The following KDM5B variants were observed in gnomAD, a reference collection of about 807,000 sequenced individuals.
The protein encoded by KDM5B is lysine demethylase 5B, also known as lysine-specific demethylase 5B.
In KDM5B, 144 loss-of-function variants were observed where a neutral mutation model predicts 193.4. The observed-to-expected ratio is 0.74, with a 90% CI of 0.65 to 0.86. The LOEUF (loss-of-function observed/expected upper bound fraction) is 0.86. Among genes scored for constraint, KDM5B ranks in the 40% least tolerant of loss-of-function variants. The pLI, the probability that KDM5B is intolerant of heterozygous loss-of-function variation, is 0.00. For missense variants in KDM5B, 1,833 were observed against 1,886.9 expected, an observed-to-expected ratio of 0.97 and a Z score of 0.53; for synonymous variants, 668 against 682.6, an observed-to-expected ratio of 0.98 and a Z score of 0.33.
intron 3 of KDM5B, 132 bp from the exon 4 acceptor site, chr1:202,773,420 T>TAC (rs555311396): frequency 9.1e-5 from 59 of 648,530 alleles, no homozygotes; most frequent in East Asian, 7.4e-4. Context: ...CATATATATA[T>TAC]ACACACACAC....
In KDM5B at chr1:202,752,966, T is replaced by G; in HGVS notation, c.1640A>C (p.Asp547Ala). 1 of 1,614,094 alleles carries G rather than the reference T, an allele frequency of 6.2e-7. No homozygotes were observed. Reference sequence around the variant, plus strand: ...GATGGTCACAAGCTGATGGAGGAGATCCGGCTGGGACACAAAGAGTTCTGG... The same window carrying G: ...GATGGTCACAAGCTGATGGAGGAGAGCCGGCTGGGACACAAAGAGTTCTGG... ...LAPELFVSQP[D>A]LLHQLVTIMN... is the part of the protein sequence containing the mutation. The change falls in exon 12 of 27, where the codon GAT becomes GCT. Residue 547 changes from aspartate (D) to alanine (A), a missense_variant. This residue lies in a region of KDM5B where 1,379 missense variants were observed against 1,349.6 expected (regional missense o/e 1.02). Coordinates refer to ENST00000367265, the MANE Select transcript of KDM5B (RefSeq NM_006618.5).
chr1:202,778,496 G>A (rs1384173593), intron 1 of KDM5B, among the ~76,000 whole-genome samples: 1 of 152,102 alleles, frequency 6.6e-6, no homozygotes, highest in Non-Finnish European at 1.5e-5. Flanking sequence ...CCACTGAACT[G>A]TATCCTTAAA....
At position 202,728,305 on chromosome 1, in the gene KDM5B, G is replaced by T; in HGVS notation, c.*731C>A. Reference sequence around the variant, plus strand: ...GGGACAGGGAGAAAGCCAAAATACAGCTGTGGCAATTACTTACAGAGAAGT... The same window carrying T: ...GGGACAGGGAGAAAGCCAAAATACATCTGTGGCAATTACTTACAGAGAAGT... On this transcript the variant is annotated 3_prime_UTR_variant, in exon 27 of 27. Transcript: ENST00000367265. 6.5e-6 allele frequency: 1 copy of T among 152,784 alleles called. No homozygotes were observed. The allele number at this position is 152,784 out of a possible 1,614,324, so 9.5% of individuals were successfully genotyped here.
chr1:202,755,174 T>C, intron 11 of KDM5B, 97 bp downstream of exon 11: 1 of 875,954 alleles, frequency 1.1e-6, no homozygotes, highest in Non-Finnish European at 1.8e-6. Context: ...AGTAGTTCAA[T>C]GCTCTTCAGA....
intron 3 of KDM5B, among the ~76,000 whole-genome samples, chr1:202,773,737 C>CT (rs35598184): frequency 2.8e-5 from 4 of 140,726 alleles, no homozygotes; most frequent in Non-Finnish European, 4.7e-5. Flanking sequence ...GGCTCAGCTT[C>CT]TTTTTTTTTT....
At chr1:202,760,764 T>G (rs1000299280) in intron 7 of KDM5B, among the ~76,000 whole-genome samples, 191 bp from the exon 8 acceptor site, 2 of 152,260 alleles carry the variant, frequency 1.3e-5, no homozygotes, top group Non-Finnish European at 2.9e-5. Context: ...CAATACCTCA[T>G]GCATACCAAA....
Position 202,755,341 on chromosome 1 carries a change from C to T in KDM5B, c.1468G>A (p.Gly490Arg). 1 of 1,614,022 alleles carries T rather than the reference C, an allele frequency of 6.2e-7. No individual in the cohort carries two copies. The highest frequency in any genetic ancestry group is 8.5e-7 in the Non-Finnish European group (1 of 1,179,924). Residue 490 changes from glycine (G) to arginine (R), a missense_variant, in exon 11 of 27, where the codon GGA (glycine) becomes AGA (arginine). By Grantham distance (125) the Gly-to-Arg change is moderately radical. Coordinates refer to ENST00000367265, the MANE Select transcript of KDM5B (RefSeq NM_006618.5). ...CAACAGAATGAAGAAAAGCACATTCCCACATACAACCAAGGAAGTTTCATG... is the reference window on the plus strand; with the variant it reads ...CAACAGAATGAAGAAAAGCACATTCTCACATACAACCAAGGAAGTTTCATG... Reference protein sequence around the residue: ...CGMKLPWLYVGMCFSSFCWHI... With the variant: ...CGMKLPWLYVRMCFSSFCWHI...
Position 202,742,727 on chromosome 1 carries a change from C to T in KDM5B, c.2402G>A (p.Arg801His), listed in dbSNP as rs576327604. 6 of 1,614,076 alleles carry T rather than the reference C, an allele frequency of 3.7e-6. No homozygotes were observed. Among genetic ancestry groups the T allele is most frequent in the East Asian group, 2.2e-5 (1 of 44,880 alleles). ...CTTCTCTGCATCCTGTGTGACTAGG[C>T]GAAGGTGTCGCAAAAGATCATTGTC... is the stretch of plus-strand genomic sequence containing the variant. ...FPDNDLLRHL[R>H]LVTQDAEKCA... Residue 801 changes from arginine to histidine, a missense_variant, in exon 17 of 27, where the codon CGC becomes CAC. This residue lies in a region of KDM5B where 1,379 missense variants were observed against 1,349.6 expected (regional missense o/e 1.02). Transcript: ENST00000367265.
intron 20 of KDM5B, among the ~76,000 whole-genome samples, chr1:202,739,852 GAA>G (rs1199054809): frequency 6.6e-6 from 1 of 152,200 alleles, no homozygotes; most frequent in Non-Finnish European, 1.5e-5. Context: ...AGAACAAAAT[GAA>G]AAGTCTCCCA....
At position 202,740,673 on chromosome 1, in the gene KDM5B, C is replaced by G. The variant is rs770621530; in HGVS notation, c.3084+1G>C. On this transcript the variant is annotated splice_donor_variant, in intron 20 of 26. Coordinates refer to ENST00000367265, the MANE Select transcript of KDM5B (RefSeq NM_006618.5). LOFTEE classifies it high-confidence loss of function. ...TTCTGTATATACTTTTTAAAACCAACCTGCAGGCCCTCTACATCCTGAAGC... is the reference window on the plus strand; with the variant it reads ...TTCTGTATATACTTTTTAAAACCAAGCTGCAGGCCCTCTACATCCTGAAGC... 1 of 1,610,332 alleles carries G rather than the reference C, an allele frequency of 6.2e-7. No individual in the cohort carries two copies. Among genetic ancestry groups the G allele is most frequent in the Non-Finnish European group, 8.5e-7 (1 of 1,178,706 alleles).
chr1:202,773,569 A>G (rs1371531238), intron 3 of KDM5B, among the ~76,000 whole-genome samples: 1 of 152,176 alleles, frequency 6.6e-6, no homozygotes, highest in Non-Finnish European at 1.5e-5. Flanking sequence ...GAACCAGGTT[A>G]CCTAAAACTA....
At position 202,736,408 on chromosome 1, in the gene KDM5B, A is replaced by G; in HGVS notation, c.3085-16T>C. On this transcript the variant is annotated splice_polypyrimidine_tract_variant and intron_variant, in intron 20 of 26. Transcript: ENST00000367265. The stretch of plus-strand genomic sequence containing the variant: ...GTCCTCCAGCCTAATAAGTCAAGAA[A>G]AATTACAGCAGTTTAGAGAAAAGAA... 1.3e-6 allele frequency: 2 copies of G among 1,523,694 alleles called. No homozygotes were observed. Among genetic ancestry groups the G allele is most frequent in the Non-Finnish European group, 1.8e-6 (2 of 1,133,292 alleles). 94.4% of individuals were successfully genotyped at this position (1,523,694 alleles called of 1,614,324 possible).
At position 202,728,853 on chromosome 1, in the gene KDM5B, T is replaced by G; in HGVS notation, c.*183A>C. 1.5e-6 allele frequency: 1 copy of G among 670,172 alleles called. No homozygotes were observed. The allele number at this position is 670,172 out of a possible 1,614,324, so 41.5% of individuals were successfully genotyped here. ...GAAAAAATACAAAAAGTGTCAAAAA[T>G]TTTTTTAGTTGTTTTTTCTTTTCTT... On this transcript the variant is annotated 3_prime_UTR_variant, in exon 27 of 27. Coordinates refer to ENST00000367265, the MANE Select transcript of KDM5B (RefSeq NM_006618.5).
In KDM5B at chr1:202,769,040, C is replaced by CT. The variant is rs527911947; in HGVS notation, c.577-1981dup. On this transcript the variant is annotated intron_variant, in intron 4 of 26. Coordinates refer to ENST00000367265, the MANE Select transcript of KDM5B (RefSeq NM_006618.5). ...ACGGCCTATTATATTCTTTTTTTTTCTTTTTTTTTTTTTTGAGACAGAGTC... is the reference window on the plus strand; with the variant it reads ...ACGGCCTATTATATTCTTTTTTTTTCTTTTTTTTTTTTTTTGAGACAGAGTC... Among the ~76,000 whole-genome samples, 534 of 119,604 alleles carry CT rather than the reference C, an allele frequency of 4.5e-3. 5 individuals carry two copies. Among genetic ancestry groups the CT allele is most frequent in the African/African-American group, 9.3e-3 (303 of 32,546 alleles). 78.5% of individuals were successfully genotyped at this position (119,604 alleles called of 152,430 possible).
At chr1:202,746,467 C>A (rs1002090306) in intron 14 of KDM5B, 144 bp from the exon 15 acceptor site, 2 of 548,028 alleles carry the variant, frequency 3.6e-6, no homozygotes, top group Non-Finnish European at 6.2e-6. Flanking sequence ...GTGTGGCATA[C>A]AAAGAAACAA....
chr1:202,731,687 A>G (rs1654888042), intron 24 of KDM5B, 141 bp downstream of exon 24: 1 of 649,420 alleles, frequency 1.5e-6, no homozygotes, highest in African/African-American at 1.9e-5. Context: ...TCCCTTCCCT[A>G]TTTTGCAAAT....
rs1316646770 is a variant in KDM5B, at chr1:202,746,246, T to C, written c.2094A>G (p.Thr698=). ...AACAGGAGATGGCAGACATGAAGCATGTAGTTTTGCATTTTACACACTGAC... is the reference window on the plus strand; with the variant it reads ...AACAGGAGATGGCAGACATGAAGCACGTAGTTTTGCATTTTACACACTGAC... ...DERQCVKCKT[T]CFMSAISCSC... The change falls in exon 15 of 27, where the codon ACA becomes ACG. Residue 698 remains threonine (T), a synonymous_variant. Coordinates refer to ENST00000367265, the MANE Select transcript of KDM5B (RefSeq NM_006618.5). 6.2e-7 allele frequency: 1 copy of C among 1,613,520 alleles called. No homozygotes were observed. The highest frequency in any genetic ancestry group is 8.5e-7 in the Non-Finnish European group (1 of 1,179,730).
chr1:202,774,275 C>T (rs575763516), intron 3 of KDM5B, among the ~76,000 whole-genome samples: 175 of 152,248 alleles, frequency 1.1e-3, no homozygotes, highest in African/African-American at 3.7e-3. Flanking sequence ...GACAGGGTCT[C>T]GCTCAGTTAC....
chr1:202,750,424 G>A (rs1407774009), intron 13 of KDM5B, among the ~76,000 whole-genome samples: 3 of 152,066 alleles, frequency 2.0e-5, no homozygotes, highest in Non-Finnish European at 2.9e-5. Context: ...GATTACAGGC[G>A]CCCACCGCCA....
Sources: allele counts gnomAD v4.1 joint callset (sites outside exome capture counted in the v4.1 genomes callset), GRCh38; gene constraint gnomAD v4.1.1; regional missense constraint gnomAD v4.1.1; transcripts MANE v1.5; gene names NCBI Gene and HGNC (gene_info 2026-07-23, HGNC 2026-07-21).